The following ADARB2 variants were observed in gnomAD, a reference collection of about 807,000 sequenced individuals.
The protein encoded by ADARB2 is inactive double-stranded RNA-specific editase B2.
A neutral mutation model predicts 62.2 loss-of-function variants in ADARB2; 25 were observed. The observed-to-expected ratio is 0.40, with a 90% CI of 0.29 to 0.56. The LOEUF (loss-of-function observed/expected upper bound fraction) is 0.56. Among genes scored for constraint, ADARB2 ranks in the 20% least tolerant of loss-of-function variants. ADARB2 has a pLI of 0.43. For synonymous variants in ADARB2, 572 were observed against 500.8 expected (o/e 1.14, Z -1.90); for missense variants, 1,071 against 1,077.4 (o/e 0.99, Z 0.08).
chr10:1,508,109 G>A (rs1432666718), intron 1 of ADARB2, among the ~76,000 whole-genome samples: 1 of 152,196 alleles, frequency 6.6e-6, no homozygotes, highest in African/African-American at 2.4e-5. Context: ...GGTCGCGTGT[G>A]AACGTGAATT....
At chr10:1,488,914 TGATCAGGGAGA>T (rs1831585880) in intron 1 of ADARB2, among the ~76,000 whole-genome samples, 1 of 152,276 alleles carries the variant, frequency 6.6e-6, no homozygotes, top group African/African-American at 2.4e-5. Flanking sequence ...CATTCCGATC[TGATCAGGGAGA>T]CCTTATACAG....
At chr10:1,442,544 C>T (rs1283480235) in intron 1 of ADARB2, among the ~76,000 whole-genome samples, 1 of 152,232 alleles carries the variant, frequency 6.6e-6, no homozygotes, top group Non-Finnish European at 1.5e-5. Context: ...TAGCTACTCT[C>T]TCAGTTCAAA....
intron 4 of ADARB2, among the ~76,000 whole-genome samples, chr10:1,244,205 C>G (rs183597916): frequency 2.0e-5 from 3 of 152,216 alleles, no homozygotes; most frequent in African/African-American, 7.2e-5. Flanking sequence ...TCACTCAGGC[C>G]GTCAGTGACA....
chr10:1,454,781 C>T (rs569125336), intron 1 of ADARB2, among the ~76,000 whole-genome samples: 14 of 152,098 alleles, frequency 9.2e-5, no homozygotes, highest in African/African-American at 3.1e-4. Context: ...GTACTTAGTG[C>T]CACCGACCTA....
At chr10:1,650,541 A>C (rs544945717) in intron 1 of ADARB2, among the ~76,000 whole-genome samples, 25 of 152,230 alleles carry the variant, frequency 1.6e-4, no homozygotes, top group Non-Finnish European at 2.6e-4. Context: ...CGAACTTCAC[A>C]GCACCTTCCC....
At chr10:1,344,916 G>A (rs1182751896) in intron 3 of ADARB2, among the ~76,000 whole-genome samples, 2 of 152,174 alleles carry the variant, frequency 1.3e-5, no homozygotes, top group African/African-American at 2.4e-5. Context: ...TTGTGTTTCC[G>A]AGCTCCGTGC....
At chr10:1,377,845 A>T (rs958064090) in intron 2 of ADARB2, among the ~76,000 whole-genome samples, 1 of 152,166 alleles carries the variant, frequency 6.6e-6, no homozygotes, top group Non-Finnish European at 1.5e-5. Flanking sequence ...CTGTGATGCT[A>T]CTTTTGCAGA....
intron 3 of ADARB2, among the ~76,000 whole-genome samples, chr10:1,303,676 T>A (rs1456832068): frequency 1.3e-5 from 2 of 152,160 alleles, no homozygotes; most frequent in Admixed American, 1.3e-4. Context: ...TAACAGCTGA[T>A]CTCTCGGCAG....
chr10:1,450,174 G>T (rs1831019573), intron 1 of ADARB2, among the ~76,000 whole-genome samples: 1 of 152,228 alleles, frequency 6.6e-6, no homozygotes, highest in Non-Finnish European at 1.5e-5. Flanking sequence ...AGGGAGGGAG[G>T]AATTCCTCCT....
At chr10:1,406,309 T>G (rs1047595293) in intron 1 of ADARB2, among the ~76,000 whole-genome samples, 2 of 152,206 alleles carry the variant, frequency 1.3e-5, no homozygotes, top group African/African-American at 4.8e-5. Flanking sequence ...AGGACACACC[T>G]CACTCTCAGG....
intron 1 of ADARB2, among the ~76,000 whole-genome samples, chr10:1,573,595 C>A (rs1237068483): frequency 2.0e-5 from 3 of 152,214 alleles, no homozygotes; most frequent in Non-Finnish European, 2.9e-5. Flanking sequence ...GCGGCCTCCC[C>A]CTTCCCCTCC....
At chr10:1,635,699 G>T (rs1268327710) in intron 1 of ADARB2, among the ~76,000 whole-genome samples, 2 of 152,192 alleles carry the variant, frequency 1.3e-5, no homozygotes, top group Non-Finnish European at 2.9e-5. Flanking sequence ...TTCTCTTAGA[G>T]AATTTTAAAT....
intron 1 of ADARB2, among the ~76,000 whole-genome samples, chr10:1,672,576 C>T (rs1000834804): frequency 1.3e-5 from 2 of 148,272 alleles, no homozygotes. Context: ...CCCATGCACG[C>T]GCTTCGCCTT....
At chr10:1,699,342 C>T (rs1345703215) in intron 1 of ADARB2, among the ~76,000 whole-genome samples, 2 of 17,744 alleles carry the variant, frequency 1.1e-4, no homozygotes, top group African/African-American at 3.2e-4. Context: ...AATCCCACTC[C>T]ACCGGGAGAC....
At chr10:1,735,848 ACTGT>A (rs1835293487) in intron 1 of ADARB2, among the ~76,000 whole-genome samples, 1 of 152,286 alleles carries the variant, frequency 6.6e-6, no homozygotes, top group Admixed American at 6.5e-5. Flanking sequence ...ATGCCTGCTG[ACTGT>A]CTGGATAATT....
chr10:1,675,426 G>T, intron 1 of ADARB2: 1 of 977,314 alleles, frequency 1.0e-6, no homozygotes, highest in Non-Finnish European at 1.2e-6. Context: ...ATCCGTGGAT[G>T]TTCTGGAGGT....
chr10:1,552,833 G>C (rs552542921), intron 1 of ADARB2, among the ~76,000 whole-genome samples: 1 of 152,242 alleles, frequency 6.6e-6, no homozygotes, highest in Non-Finnish European at 1.5e-5. Flanking sequence ...AAATGGAATG[G>C]ATCCTTGTGG....
At position 1,676,133 on chromosome 10, in the gene ADARB2, T is replaced by C. The variant is rs564151412; in HGVS notation, c.100+60918A>G. 5.6e-5 allele frequency: 47 copies of C among 839,546 alleles called. No individual in the cohort carries two copies. In the Admixed American group the frequency reaches 2.7e-3, roughly 49 times the overall value. The allele number at this position is 839,546 out of a possible 1,614,324, so 52.0% of individuals were successfully genotyped here. On this transcript the variant is annotated intron_variant, in intron 1 of 9. Transcript: ENST00000381312. ...ATTAGGACAAAATTGCCATTTTGGGTCTTGGCAAATGTGCAATATGAAATT... is the reference window on the plus strand; with the variant it reads ...ATTAGGACAAAATTGCCATTTTGGGCCTTGGCAAATGTGCAATATGAAATT...
Position 1,732,314 on chromosome 10 carries a change from CAA to C in ADARB2, c.100+4735_100+4736del, listed in dbSNP as rs4002272. Among the ~76,000 whole-genome samples, 233 of 105,606 alleles carry C rather than the reference CAA, an allele frequency of 2.2e-3. 1 individual carries two copies. Among genetic ancestry groups the C allele is most frequent in the African/African-American group, 7.6e-3 (220 of 29,100 alleles). The allele number at this position is 105,606 out of a possible 152,430, so 69.3% of individuals were successfully genotyped here. On this transcript the variant is annotated intron_variant, in intron 1 of 9. Transcript: ENST00000381312. ...GGGCATAAGTTATCTTTTCATGCCT[CAA>C]AAAAAAAAAAAAAATTTCCTTTTCT...
Sources: allele counts gnomAD v4.1 joint callset (sites outside exome capture counted in the v4.1 genomes callset), GRCh38; gene constraint gnomAD v4.1.1; transcripts MANE v1.5; gene names NCBI Gene and HGNC (gene_info 2026-07-23, HGNC 2026-07-21).